The following MYBPC1 variants were observed in gnomAD, a reference collection of about 807,000 sequenced individuals.
MYBPC1 encodes myosin binding protein C1, also known as myosin-binding protein C, slow-type.
In MYBPC1, 52 loss-of-function variants were observed where a neutral mutation model predicts 147.1. The ratio of observed to expected loss-of-function variants is 0.35; its 90% CI spans 0.28 to 0.45. The LOEUF is 0.45. MYBPC1 is among the 20% of genes least tolerant of loss of function. MYBPC1 has a pLI of 1.00. For missense variants in MYBPC1, 1,228 were observed against 1,440.3 expected, an observed-to-expected ratio of 0.85 and a Z score of 2.39; for synonymous variants, 477 against 475.9, an observed-to-expected ratio of 1.00 and a Z score of -0.03.
At chr12:101,598,073 G>T (rs190975904) in intron 1 of MYBPC1, among the ~76,000 whole-genome samples, 1 of 146,958 alleles carries the variant, frequency 6.8e-6, no homozygotes, top group Non-Finnish European at 1.5e-5. Flanking sequence ...AGGCTGGAGT[G>T]CAGTGCCACA....
chr12:101,677,142 TA>T, intron 26 of MYBPC1, 92 bp from the exon 27 acceptor site: 1 of 1,283,142 alleles, frequency 7.8e-7, no homozygotes, highest in Non-Finnish European at 1.1e-6. Flanking sequence ...TTTTTGTTAA[TA>T]AAGCATCCTT....
At chr12:101,624,783 A>G (rs1203536829) in intron 3 of MYBPC1, among the ~76,000 whole-genome samples, 2 of 135,300 alleles carry the variant, frequency 1.5e-5, no homozygotes, top group Admixed American at 8.2e-5. Flanking sequence ...AGATTTTATT[A>G]TTCATAAAAA....
At chr12:101,668,666 T>C (rs1192182870) in intron 23 of MYBPC1, among the ~76,000 whole-genome samples, 5 of 152,088 alleles carry the variant, frequency 3.3e-5, no homozygotes, top group African/African-American at 9.7e-5. Context: ...GGTTTCACCA[T>C]GTTGGTCAGG....
intron 22 of MYBPC1, chr12:101,666,112 C>A (rs868665886): frequency 1.9e-5 from 3 of 158,168 alleles, no homozygotes; most frequent in Non-Finnish European, 2.8e-5. Context: ...CATGCGGAAC[C>A]CTGAGCAGGC....
intron 1 of MYBPC1, among the ~76,000 whole-genome samples, chr12:101,610,434 G>A (rs529043332): frequency 2.5e-4 from 38 of 152,202 alleles, no homozygotes; most frequent in African/African-American, 8.9e-4. Flanking sequence ...ATGCAAACAC[G>A]TTTTAACACA....
In MYBPC1 at chr12:101,662,561, A is replaced by G. The variant is rs759600973; in HGVS notation, c.2221+15A>G. ...TGTTCCTTTGGGTAAGTCAAGAGAG[A>G]TGAGTCTTTGTCATCAGAATCATTG... is the stretch of plus-strand genomic sequence containing the variant. On this transcript the variant is annotated intron_variant, in intron 21 of 31. Transcript: ENST00000361466. 2.0e-5 allele frequency: 33 copies of G among 1,612,938 alleles called. No homozygotes were observed. Among genetic ancestry groups the G allele is most frequent in the Non-Finnish European group, 2.8e-5 (33 of 1,179,124 alleles).
rs1459867720 is a variant in MYBPC1 at position 101,646,867 on chromosome 12, C to G, written c.1070C>G (p.Ser357Cys). 5.0e-6 allele frequency: 8 copies of G among 1,613,968 alleles called. No individual in the cohort carries two copies. Among genetic ancestry groups the G allele is most frequent in the African/African-American group, 1.3e-5 (1 of 74,906 alleles). ...GTGACAGCCGGTGATGAGAAATGTT[C>G]CACTGAGCTCTTCGTAAGAGGTAAA... is the stretch of plus-strand genomic sequence containing the variant. ...YYVTAGDEKC[S>C]TELFVREPPI... Residue 357 changes from serine (S) to cysteine (C), a missense_variant, in exon 13 of 32, where the codon TCC becomes TGC. This residue lies in a region of MYBPC1 where 1,077 missense variants were observed against 1,314.2 expected (regional missense o/e 0.82). Transcript: ENST00000361466.
intron 6 of MYBPC1, 92 bp from the exon 7 acceptor site, chr12:101,631,479 T>C: frequency 7.2e-7 from 1 of 1,382,624 alleles, no homozygotes; most frequent in Non-Finnish European, 1.0e-6. Flanking sequence ...CACCATATTC[T>C]GTAGTGCAGT....
chr12:101,675,915 C>T (rs992945520), intron 26 of MYBPC1, among the ~76,000 whole-genome samples: 1 of 152,182 alleles, frequency 6.6e-6, no homozygotes, highest in Non-Finnish European at 1.5e-5. Flanking sequence ...CCAGTTAGAA[C>T]AGAAAGATTC....
At position 101,652,124 on chromosome 12, in the gene MYBPC1, G is replaced by C. The variant is rs185172783; in HGVS notation, c.1527-554G>C. ...GGCAAGAGTTTAACTTTGAATTCAT[G>C]GGCTTTTAGGGTATCATAAATGAAC... On this transcript the variant is annotated intron_variant, in intron 16 of 31. Coordinates refer to ENST00000361466, the MANE Select transcript of MYBPC1 (RefSeq NM_002465.4). Among the ~76,000 whole-genome samples the C allele has an allele frequency of 1.3e-3, 200 of 152,254 alleles. 1 individual carries two copies. The highest frequency in any genetic ancestry group is 4.6e-3 in the African/African-American group (190 of 41,538).
intron 1 of MYBPC1, among the ~76,000 whole-genome samples, chr12:101,608,720 C>A (rs12311521): frequency 6.6e-6 from 1 of 152,104 alleles, no homozygotes; most frequent in Non-Finnish European, 1.5e-5. Flanking sequence ...ATTTTAAAAG[C>A]GGGGGATTCC....
chr12:101,667,528 A>G (rs932116726), intron 22 of MYBPC1, among the ~76,000 whole-genome samples: 1 of 152,206 alleles, frequency 6.6e-6, no homozygotes, highest in African/African-American at 2.4e-5. Flanking sequence ...CCTGTTATTT[A>G]TGTTAGCTAT....
intron 27 of MYBPC1, 82 bp from the exon 28 acceptor site, chr12:101,678,020 T>C: frequency 4.6e-6 from 7 of 1,511,614 alleles, no homozygotes; most frequent in Non-Finnish European, 6.4e-6. Context: ...GAAGTTTTAA[T>C]CATGTGTAAA....
intron 10 of MYBPC1, chr12:101,637,090 A>T: frequency 4.2e-6 from 1 of 235,664 alleles, no homozygotes; most frequent in Non-Finnish European, 8.4e-6. Context: ...TAAGAGGCAG[A>T]CCTACTTTAA....
intron 5 of MYBPC1, chr12:101,628,047 T>C: frequency 2.1e-6 from 1 of 475,126 alleles, no homozygotes; most frequent in Non-Finnish European, 3.9e-6. Context: ...TCATTTTTAA[T>C]ATTTAGCAAA....
At chr12:101,613,819 A>G (rs564797799) in intron 1 of MYBPC1, among the ~76,000 whole-genome samples, 1 of 152,312 alleles carries the variant, frequency 6.6e-6, no homozygotes, top group South Asian at 2.1e-4. Flanking sequence ...TTCCAGAAAC[A>G]ACTCTGAGAG....
chr12:101,672,539 A>G (rs763571869), intron 24 of MYBPC1, among the ~76,000 whole-genome samples: 2 of 152,230 alleles, frequency 1.3e-5, no homozygotes, highest in Non-Finnish European at 2.9e-5. Flanking sequence ...ACAGTAGAAT[A>G]GTAATCATTA....
At chr12:101,616,758 A>G (rs1470511869) in intron 2 of MYBPC1, among the ~76,000 whole-genome samples, 1 of 152,246 alleles carries the variant, frequency 6.6e-6, no homozygotes, top group Non-Finnish European at 1.5e-5. Flanking sequence ...GCACACAATT[A>G]CATATTTTGT....
At chr12:101,684,491 G>A (rs1440891771) in intron 31 of MYBPC1, 67 bp downstream of exon 31, 3 of 1,211,764 alleles carry the variant, frequency 2.5e-6, no homozygotes, top group Non-Finnish European at 3.6e-6. Flanking sequence ...AGCCTGTGGA[G>A]TATGGCATGA....
Sources: gnomAD v4.1 joint callset for allele counts (sites outside exome capture counted in the v4.1 genomes callset) on GRCh38, gnomAD v4.1.1 for gene constraint, gnomAD v4.1.1 regional missense constraint, MANE v1.5 for transcripts, NCBI Gene and HGNC (gene_info 2026-07-23, HGNC 2026-07-21) for gene names.